EBF1: variants seen among roughly 807,000 people sequenced by gnomAD.
EBF1 encodes the protein transcription factor COE1.
In EBF1, 10 loss-of-function variants were observed where a neutral mutation model predicts 68.4. The observed-to-expected ratio is 0.15, with a 90% confidence interval of 0.09 to 0.25. The LOEUF (loss-of-function observed/expected upper bound fraction) is 0.25, where lower values mean the gene tolerates loss of function less well. Among genes scored for constraint, EBF1 ranks in the 10% least tolerant of loss-of-function variants. EBF1 has a pLI of 1.00. For synonymous variants in EBF1, 298 were observed against 299.8 expected (o/e 0.99, Z 0.06); for missense variants, 509 against 794.4 (o/e 0.64, Z 4.32).
intron 6 of EBF1, among the ~76,000 whole-genome samples, chr5:159,035,713 T>C (rs1584140417): frequency 6.6e-6 from 1 of 152,192 alleles, no homozygotes; most frequent in East Asian, 1.9e-4. Context: ...AGATCCCAAA[T>C]TATTTTATAT....
intron 6 of EBF1, among the ~76,000 whole-genome samples, chr5:158,845,091 A>C (rs1791191489): frequency 6.6e-6 from 1 of 152,212 alleles, no homozygotes; most frequent in Non-Finnish European, 1.5e-5. Context: ...CTGCATGCAT[A>C]GTGCCCGGCG....
chr5:158,827,548 T>C (rs1250698036), intron 7 of EBF1, among the ~76,000 whole-genome samples: 1 of 152,168 alleles, frequency 6.6e-6, no homozygotes, highest in Non-Finnish European at 1.5e-5. Context: ...TCAATGAGGA[T>C]TTCTCAGGAG....
intron 15 of EBF1, among the ~76,000 whole-genome samples, chr5:158,701,805 G>A (rs1756835302): frequency 1.3e-5 from 2 of 152,142 alleles, no homozygotes; most frequent in Admixed American, 6.5e-5. Context: ...TGGGTCTAGG[G>A]GGTGGGTTTG....
intron 6 of EBF1, among the ~76,000 whole-genome samples, chr5:158,890,850 C>T (rs1473597500): frequency 6.6e-6 from 1 of 152,160 alleles, no homozygotes; most frequent in African/African-American, 2.4e-5. Flanking sequence ...GGTATTAGTT[C>T]TACCTCCTTT....
At chr5:159,021,300 C>T (rs1380545103) in intron 6 of EBF1, among the ~76,000 whole-genome samples, 1 of 152,144 alleles carries the variant, frequency 6.6e-6, no homozygotes, top group Non-Finnish European at 1.5e-5. Context: ...AAAAAAAGGG[C>T]AACTGCACTC....
At chr5:159,026,371 T>C (rs1008806765) in intron 6 of EBF1, among the ~76,000 whole-genome samples, 1 of 152,072 alleles carries the variant, frequency 6.6e-6, no homozygotes, top group African/African-American at 2.4e-5. Flanking sequence ...TGCTTTTAAA[T>C]AGCCAGGTCA....
intron 10 of EBF1, among the ~76,000 whole-genome samples, chr5:158,746,397 G>C (rs1170832474): frequency 6.6e-6 from 1 of 152,154 alleles, no homozygotes; most frequent in African/African-American, 2.4e-5. Context: ...TTTAAGCTTA[G>C]AGACTGGATC....
chr5:159,094,227 G>A (rs914409492), intron 4 of EBF1, among the ~76,000 whole-genome samples: 11 of 124,004 alleles, frequency 8.9e-5, no homozygotes, highest in Non-Finnish European at 1.7e-5. Context: ...ATTATCCTAT[G>A]CAATTATTAA....
intron 6 of EBF1, among the ~76,000 whole-genome samples, chr5:158,903,974 G>A (rs542566465): frequency 9.5e-4 from 144 of 152,130 alleles, no homozygotes; most frequent in African/African-American, 3.2e-3. Context: ...TAATCTAGGG[G>A]GTGGAGGGTA....
chr5:158,790,780 A>G (rs1361147439), intron 9 of EBF1, among the ~76,000 whole-genome samples: 2 of 152,226 alleles, frequency 1.3e-5, no homozygotes, highest in East Asian at 1.9e-4. Flanking sequence ...TATATCAGAT[A>G]CCAGAATCTG....
intron 10 of EBF1, among the ~76,000 whole-genome samples, chr5:158,768,508 C>T (rs6876563): frequency 0.21 from 31,317 of 151,644 alleles, 3,723 homozygotes; most frequent in African/African-American, 0.32. Context: ...AACAAGAAAC[C>T]GGTAGGAATG....
intron 6 of EBF1, among the ~76,000 whole-genome samples, chr5:159,058,953 T>A (rs1353838606): frequency 6.6e-6 from 1 of 152,214 alleles, no homozygotes; most frequent in Non-Finnish European, 1.5e-5. Context: ...ATGAGTAGCA[T>A]GTTCTCATAA....
At chr5:158,981,047 AAG>A (rs1389981478) in intron 6 of EBF1, among the ~76,000 whole-genome samples, 1 of 152,228 alleles carries the variant, frequency 6.6e-6, no homozygotes. Flanking sequence ...AGTTGGGGAT[AAG>A]AGGAACCAGC....
At chr5:158,758,087 T>C (rs1055633395) in intron 10 of EBF1, among the ~76,000 whole-genome samples, 4 of 152,202 alleles carry the variant, frequency 2.6e-5, no homozygotes, top group Non-Finnish European at 5.9e-5. Context: ...ATTATTTCAA[T>C]TGTCACAACA....
intron 11 of EBF1, among the ~76,000 whole-genome samples, chr5:158,728,213 C>A (rs940632916): frequency 6.6e-6 from 1 of 152,212 alleles, no homozygotes; most frequent in Non-Finnish European, 1.5e-5. Context: ...AGGACAGCCA[C>A]TCGGCTCTGA....
intron 6 of EBF1, among the ~76,000 whole-genome samples, chr5:158,965,889 T>G (rs1228757165): frequency 6.6e-6 from 1 of 152,194 alleles, no homozygotes; most frequent in Non-Finnish European, 1.5e-5. Flanking sequence ...AGCAGATTAA[T>G]CATTCAGATG....
chr5:159,025,655 T>C (rs1367859146), intron 6 of EBF1, among the ~76,000 whole-genome samples: 1 of 152,220 alleles, frequency 6.6e-6, no homozygotes, highest in Non-Finnish European at 1.5e-5. Context: ...CCTTTTTATT[T>C]CCAATCTTTG....
chr5:158,712,357 A>C (rs769733104), intron 13 of EBF1, 24 bp from the exon 14 acceptor site: 51 of 1,610,798 alleles, frequency 3.2e-5, no homozygotes, highest in Non-Finnish European at 4.2e-5. Flanking sequence ...GCAAAACCGG[A>C]GGTGAGGGTG....
intron 14 of EBF1, among the ~76,000 whole-genome samples, chr5:158,709,876 G>A (rs1380180371): frequency 1.3e-5 from 2 of 152,156 alleles, no homozygotes; most frequent in African/African-American, 4.8e-5. Flanking sequence ...CTGGTTCACT[G>A]AGGAAGGCAA....
Sources: allele counts gnomAD v4.1 joint callset (sites outside exome capture counted in the v4.1 genomes callset), GRCh38; gene constraint gnomAD v4.1.1; transcripts MANE v1.5; gene names NCBI Gene and HGNC (gene_info 2026-07-23, HGNC 2026-07-21).